Variants in RSU1 observed in about 807,000 individuals in gnomAD.
RSU1 encodes the protein rsu-1.
RSU1 carries 26 observed loss-of-function variants against 31.1 expected under a neutral mutation model. That is an observed-to-expected ratio of 0.84 (90% CI 0.61 to 1.16). The LOEUF (loss-of-function observed/expected upper bound fraction) is 1.16. Among genes scored for constraint, RSU1 ranks in the 50% most tolerant of loss-of-function variants. The pLI is 0.00. For missense variants in RSU1, 320 were observed against 339.1 expected, an observed-to-expected ratio of 0.94 and a Z score of 0.44; for synonymous variants, 164 against 136.3, an observed-to-expected ratio of 1.20 and a Z score of -1.41.
At chr10:16,643,113 T>C (rs1199392428) in intron 8 of RSU1, among the ~76,000 whole-genome samples, 1 of 152,222 alleles carries the variant, frequency 6.6e-6, no homozygotes, top group African/African-American at 2.4e-5. Flanking sequence ...TGTGAATCTG[T>C]ACAGAACTAG....
At chr10:16,656,491 C>CA (rs1248522917) in intron 8 of RSU1, among the ~76,000 whole-genome samples, 7 of 152,210 alleles carry the variant, frequency 4.6e-5, no homozygotes, top group South Asian at 4.2e-4. Context: ...ACCTTACGTA[C>CA]AAAATAAAGA....
chr10:16,705,331 T>C (rs1835875254), intron 7 of RSU1, among the ~76,000 whole-genome samples: 1 of 152,192 alleles, frequency 6.6e-6, no homozygotes, highest in African/African-American at 2.4e-5. Context: ...TAAAATAGTG[T>C]AAATTTTCAT....
At chr10:16,607,806 G>A (rs546443603) in intron 8 of RSU1, among the ~76,000 whole-genome samples, 1 of 152,234 alleles carries the variant, frequency 6.6e-6, no homozygotes, top group Admixed American at 6.5e-5. Context: ...ACTCTACAGG[G>A]CTTGTACCTC....
intron 7 of RSU1, among the ~76,000 whole-genome samples, chr10:16,727,841 C>T (rs549882693): frequency 3.1e-4 from 47 of 152,308 alleles, no homozygotes; most frequent in Non-Finnish European, 6.0e-4. Context: ...GAACAGGTAC[C>T]AAGGCAACCA....
intron 4 of RSU1, 46 bp from the exon 5 acceptor site, chr10:16,755,035 T>C (rs375081874): frequency 1.2e-5 from 14 of 1,142,044 alleles, no homozygotes; most frequent in Non-Finnish European, 1.7e-5. Context: ...CAAAGACACA[T>C]TCATACAGAC....
intron 2 of RSU1, among the ~76,000 whole-genome samples, chr10:16,793,092 T>C (rs1030568433): frequency 6.8e-6 from 1 of 146,582 alleles, no homozygotes; most frequent in Non-Finnish European, 1.5e-5. Flanking sequence ...AAAAATATCA[T>C]ATTCACCAAC....
chr10:16,635,230 A>G (rs1313790563), intron 8 of RSU1, among the ~76,000 whole-genome samples: 1 of 152,238 alleles, frequency 6.6e-6, no homozygotes, highest in East Asian at 1.9e-4. Flanking sequence ...TGCAGCAATG[A>G]GAAGAGAAAC....
At chr10:16,776,349 A>G (rs1024254739) in intron 3 of RSU1, among the ~76,000 whole-genome samples, 10 of 152,230 alleles carry the variant, frequency 6.6e-5, no homozygotes, top group African/African-American at 1.9e-4. Context: ...ATAAAATTTA[A>G]AAGTATTAAA....
At chr10:16,605,294 G>T (rs1833783944) in intron 8 of RSU1, among the ~76,000 whole-genome samples, 1 of 152,064 alleles carries the variant, frequency 6.6e-6, no homozygotes, top group African/African-American at 2.4e-5. Context: ...TCACCATCTA[G>T]TTATTTATTT....
chr10:16,695,212 A>C, intron 7 of RSU1, 57 bp from the exon 8 acceptor site: 1 of 1,529,246 alleles, frequency 6.5e-7, no homozygotes, highest in South Asian at 1.2e-5. Context: ...ATCAGGTCTA[A>C]GAAGTCCTTC....
intron 8 of RSU1, among the ~76,000 whole-genome samples, chr10:16,617,214 A>G (rs1223048488): frequency 2.0e-5 from 3 of 152,246 alleles, no homozygotes; most frequent in African/African-American, 7.2e-5. Context: ...GAGTGAAATC[A>G]TGAGTGAGCT....
intron 2 of RSU1, among the ~76,000 whole-genome samples, chr10:16,799,549 GC>G (rs1564362325): frequency 6.6e-6 from 1 of 152,050 alleles, no homozygotes; most frequent in African/African-American, 2.4e-5. Context: ...GTTCCTGGGG[GC>G]CCGGTCTTAA....
Position 16,610,927 on chromosome 10 carries a change from T to C in RSU1, c.732-17431A>G, listed in dbSNP as rs141580364. On this transcript the variant is annotated intron_variant, in intron 8 of 8. Transcript: ENST00000345264. ...TACCTAGAGATTTTCCCAATGTCCT[T>C]ATTTGTAATAGTTGTGATATTGGAA... 2.4e-3 allele frequency among the ~76,000 whole-genome samples: 360 copies of C among 152,272 alleles called. 1 individual carries two copies. Among genetic ancestry groups the C allele is most frequent in the African/African-American group, 8.2e-3 (342 of 41,550 alleles).
intron 7 of RSU1, among the ~76,000 whole-genome samples, chr10:16,720,230 G>A (rs774041154): frequency 9.9e-5 from 15 of 152,158 alleles, no homozygotes; most frequent in Non-Finnish European, 1.9e-4. Context: ...AAGGCAACTG[G>A]CTGATTATCC....
At chr10:16,628,842 G>T (rs1283983367) in intron 8 of RSU1, among the ~76,000 whole-genome samples, 1 of 151,950 alleles carries the variant, frequency 6.6e-6, no homozygotes, top group Non-Finnish European at 1.5e-5. Context: ...TGACCTTCCA[G>T]TCAATCAATG....
chr10:16,816,938 G>A (rs750879864), intron 2 of RSU1, 35 bp downstream of exon 2: 1 of 1,451,852 alleles, frequency 6.9e-7, no homozygotes, highest in East Asian at 2.3e-5. Context: ...AAGCCTTCCA[G>A]CTCATCCACG....
intron 3 of RSU1, among the ~76,000 whole-genome samples, chr10:16,772,931 G>A (rs1184976533): frequency 1.3e-5 from 2 of 152,168 alleles, no homozygotes; most frequent in South Asian, 4.1e-4. Flanking sequence ...TCTAGGCTGG[G>A]AGCAGTGGCT....
intron 3 of RSU1, among the ~76,000 whole-genome samples, chr10:16,770,938 A>T (rs1396211482): frequency 6.6e-5 from 10 of 150,650 alleles, no homozygotes; most frequent in Non-Finnish European, 1.3e-4. Flanking sequence ...TGCTTCTAAA[A>T]ACCTGACATA....
chr10:16,681,674 G>A (rs769318989), intron 8 of RSU1, among the ~76,000 whole-genome samples: 6 of 152,150 alleles, frequency 3.9e-5, no homozygotes, highest in Non-Finnish European at 7.3e-5. Flanking sequence ...TGAAACTTGA[G>A]CTGTGCAGAT....
Sources: allele counts gnomAD v4.1 joint callset (sites outside exome capture counted in the v4.1 genomes callset), GRCh38; gene constraint gnomAD v4.1.1; transcripts MANE v1.5; gene names NCBI Gene and HGNC (gene_info 2026-07-23, HGNC 2026-07-21).